VPS13B: variants seen among roughly 807,000 people sequenced by gnomAD.
VPS13B encodes the protein vacuolar protein sorting 13 homolog B.
Under a neutral mutation model 426.4 loss-of-function variants are expected in VPS13B, and 285 were observed. The ratio of observed to expected loss-of-function variants is 0.67; its 90% CI spans 0.61 to 0.74. VPS13B has a LOEUF of 0.74. Among genes scored for constraint, VPS13B ranks in the 30% least tolerant of loss-of-function variants. The pLI is 0.00. For synonymous variants in VPS13B, 1,676 were observed against 1,676.4 expected (o/e 1.00, Z 0.01); for missense variants, 4,537 against 4,782.6 (o/e 0.95, Z 1.51).
At chr8:99,472,603 T>C (rs1057292638) in intron 24 of VPS13B, among the ~76,000 whole-genome samples, 1 of 151,736 alleles carries the variant, frequency 6.6e-6, no homozygotes, top group African/African-American at 2.4e-5. Flanking sequence ...AATCAGCCAT[T>C]TAAGGTTCAA....
chr8:99,387,651 C>T (rs890477710), intron 20 of VPS13B, among the ~76,000 whole-genome samples: 10 of 152,098 alleles, frequency 6.6e-5, no homozygotes, highest in African/African-American at 2.4e-4. Flanking sequence ...CCCCACCCCA[C>T]CATGGAAAAT....
At chr8:99,285,966 G>A (rs1262228794) in intron 19 of VPS13B, among the ~76,000 whole-genome samples, 4 of 152,072 alleles carry the variant, frequency 2.6e-5, no homozygotes, top group Non-Finnish European at 5.9e-5. Flanking sequence ...GTGTTTTACT[G>A]AGGATATTTC....
intron 23 of VPS13B, among the ~76,000 whole-genome samples, chr8:99,451,599 C>A (rs1314724703): frequency 6.6e-6 from 1 of 152,196 alleles, no homozygotes; most frequent in Non-Finnish European, 1.5e-5. Flanking sequence ...TGGTTCTCAA[C>A]ATCCATGTAG....
intron 41 of VPS13B, 52 bp from the exon 42 acceptor site, chr8:99,778,630 C>T: frequency 6.6e-7 from 1 of 1,519,834 alleles, no homozygotes; most frequent in African/African-American, 1.4e-5. Context: ...TTTATTTTCA[C>T]AAAATATTGG....
chr8:99,415,442 A>G (rs1815945784), intron 21 of VPS13B, among the ~76,000 whole-genome samples: 1 of 151,792 alleles, frequency 6.6e-6, no homozygotes, highest in Non-Finnish European at 1.5e-5. Flanking sequence ...TTCTCCATCC[A>G]GTTTTGTTTC....
At chr8:99,507,655 A>G in intron 28 of VPS13B, 2 of 1,533,808 alleles carry the variant, frequency 1.3e-6, no homozygotes, top group Non-Finnish European at 8.9e-7. Context: ...CGGTTGCTCA[A>G]ACCTAAATTT....
rs188916527 is a variant in VPS13B, at chr8:99,203,914, C to T, written c.2515+10857C>T. 3.8e-3 allele frequency among the ~76,000 whole-genome samples: 586 copies of T among 152,242 alleles called. 6 individuals are homozygous for T. The highest frequency in any genetic ancestry group is 0.013 in the African/African-American group (545 of 41,526). On this transcript the variant is annotated intron_variant, in intron 17 of 61. Coordinates refer to ENST00000357162, the MANE Select transcript of VPS13B (RefSeq NM_152564.5). The stretch of plus-strand genomic sequence containing the variant: ...GCTCATGGATAGGAAGAATCAATAT[C>T]GTGAAAATGGCCATACTGCCCAAAA...
chr8:99,481,612 A>G lies in VPS13B; in HGVS notation c.3680A>G (p.Tyr1227Cys), dbSNP rs1249358010. The change falls in exon 25 of 62, where the codon TAT becomes TGT. Residue 1227 changes from tyrosine (Y) to cysteine (C), a missense_variant. By Grantham distance (194) the Tyr-to-Cys change is radical (BLOSUM62 -2). Coordinates refer to ENST00000357162, the MANE Select transcript of VPS13B (RefSeq NM_152564.5). ...KCSNPQVQLF[Y>C]ELTDIMNKVW... ...TTATGCTCTCAGGTCCAGCTCTTCT[A>G]TGAACTAACTGATATCATGAATAAG... is the stretch of plus-strand genomic sequence containing the variant. 7.4e-6 allele frequency: 12 copies of G among 1,613,714 alleles called. No homozygotes were observed. The highest frequency in any genetic ancestry group is 2.2e-5 in the East Asian group (1 of 44,882).
chr8:99,152,567 A>C lies in VPS13B; in HGVS notation c.2014-3982A>C, dbSNP rs763480400. Among the ~76,000 whole-genome samples, 301 of 152,326 alleles carry C rather than the reference A, an allele frequency of 2.0e-3. 6 individuals are homozygous for C. The highest frequency in any genetic ancestry group is 1.3e-3 in the Non-Finnish European group (87 of 68,024). On this transcript the variant is annotated intron_variant, in intron 14 of 61. Coordinates refer to ENST00000357162, the MANE Select transcript of VPS13B (RefSeq NM_152564.5). The stretch of plus-strand genomic sequence containing the variant: ...GATTTTCTGTCTGCTGGAACTGATT[A>C]TATCTGATAGAGGGATATTGAAGTC...
intron 21 of VPS13B, among the ~76,000 whole-genome samples, chr8:99,396,474 G>A (rs1814731800): frequency 6.6e-6 from 1 of 152,102 alleles, no homozygotes; most frequent in Non-Finnish European, 1.5e-5. Context: ...CAGAGTATAG[G>A]CACTTTGCGA....
intron 17 of VPS13B, among the ~76,000 whole-genome samples, chr8:99,232,734 A>G (rs1374532799): frequency 6.6e-6 from 1 of 152,148 alleles, no homozygotes; most frequent in Non-Finnish European, 1.5e-5. Context: ...TGTTACTTCA[A>G]CCAAAAGGTA....
At chr8:99,360,116 C>T (rs1221513564) in intron 19 of VPS13B, among the ~76,000 whole-genome samples, 9 of 89,526 alleles carry the variant, frequency 1.0e-4, no homozygotes, top group African/African-American at 3.4e-4. Flanking sequence ...TTTTTTTTTT[C>T]CTTATCTTTC....
chr8:99,492,960 G>A (rs1820695951), intron 25 of VPS13B, among the ~76,000 whole-genome samples: 1 of 152,158 alleles, frequency 6.6e-6, no homozygotes, highest in South Asian at 2.1e-4. Flanking sequence ...GATCTCACTG[G>A]GAGCTGTAGG....
chr8:99,512,591 A>G (rs183244109), intron 29 of VPS13B, among the ~76,000 whole-genome samples: 27 of 152,326 alleles, frequency 1.8e-4, no homozygotes, highest in Middle Eastern at 3.4e-3. Flanking sequence ...GAGATTGTCA[A>G]ACTGTTTTTG....
chr8:99,187,508 C>A (rs552420725), intron 16 of VPS13B, among the ~76,000 whole-genome samples: 1 of 152,184 alleles, frequency 6.6e-6, no homozygotes, highest in Admixed American at 6.5e-5. Context: ...TTTTCTGGTC[C>A]ATTCATTCCA....
chr8:99,445,412 C>T (rs1280694179), intron 23 of VPS13B, among the ~76,000 whole-genome samples: 1 of 149,758 alleles, frequency 6.7e-6, no homozygotes, highest in African/African-American at 2.4e-5. Flanking sequence ...ATGCAGCAAG[C>T]TATGATCGCA....
chr8:99,583,322 C>T (rs1381230681), intron 33 of VPS13B, among the ~76,000 whole-genome samples: 1 of 152,062 alleles, frequency 6.6e-6, no homozygotes, highest in African/African-American at 2.4e-5. Flanking sequence ...TGACCAATAT[C>T]TTTATTCTTT....
chr8:99,501,913 TCCC>T, intron 26 of VPS13B, 55 bp downstream of exon 26: 3 of 1,281,428 alleles, frequency 2.3e-6, no homozygotes, highest in Non-Finnish European at 3.1e-6. Context: ...CCTCCCTCCC[TCCC>T]TCCCTCCCTC....
chr8:99,622,594 A>G (rs1828409136), intron 33 of VPS13B, among the ~76,000 whole-genome samples: 1 of 152,230 alleles, frequency 6.6e-6, no homozygotes, highest in Non-Finnish European at 1.5e-5. Flanking sequence ...TAATCTACAG[A>G]TAATTTTATA....
Sources: allele counts gnomAD v4.1 joint callset (sites outside exome capture counted in the v4.1 genomes callset), GRCh38; gene constraint gnomAD v4.1.1; transcripts MANE v1.5; gene names NCBI Gene and HGNC (gene_info 2026-07-23, HGNC 2026-07-21).